Variants in ABCA13 observed in about 807,000 individuals in gnomAD.
ABCA13 encodes ATP-binding cassette sub-family A member 13.
Under a neutral mutation model 478.7 loss-of-function variants are expected in ABCA13, and 476 were observed. The ratio of observed to expected loss-of-function variants is 0.99; its 90% CI spans 0.92 to 1.07. The LOEUF is 1.07. Among genes scored for constraint, ABCA13 ranks in the 50% least tolerant of loss-of-function variants. The pLI, the probability that ABCA13 is intolerant of heterozygous loss-of-function variation, is 0.00. For synonymous variants in ABCA13, 2,252 were observed against 2,158.9 expected, an observed-to-expected ratio of 1.04 and a Z score of -1.20; for missense variants, 6,060 against 5,910.6, an observed-to-expected ratio of 1.03 and a Z score of -0.83.
In ABCA13 at chr7:48,645,478, C is replaced by G. The variant is rs373003750; in HGVS notation, c.15143C>G (p.Thr5048Ser). 2.2e-5 allele frequency: 35 copies of G among 1,589,966 alleles called. No individual in the cohort carries two copies. The African/African-American group carries it at 4.3e-4, about 19-fold the overall frequency. Reference sequence around the variant, plus strand: ...CTACAATCTACTCTTGATCCATCCACTGACAGTCACCACACACATCACTTG... The same window carrying G: ...CTACAATCTACTCTTGATCCATCCAGTGACAGTCACCACACACATCACTTG... ...QTLQSTLDPS[T>S]DSHHTHHLPI Residue 5048 changes from threonine to serine, a missense_variant, in exon 62 of 62, where the codon ACT (threonine) becomes AGT (serine). This residue lies in a region of ABCA13 where 1,627 missense variants were observed against 1,571.0 expected (regional missense o/e 1.04). Coordinates refer to ENST00000435803, the MANE Select transcript of ABCA13 (RefSeq NM_152701.5).
chr7:48,253,417 T>G (rs917843142), intron 15 of ABCA13, among the ~76,000 whole-genome samples: 6 of 152,228 alleles, frequency 3.9e-5, no homozygotes, highest in Non-Finnish European at 8.8e-5. Flanking sequence ...AGTGGCATAT[T>G]GTGCCATGAA....
intron 16 of ABCA13, among the ~76,000 whole-genome samples, 152 bp from the exon 17 acceptor site, chr7:48,271,635 C>T (rs973432942): frequency 1.3e-5 from 2 of 151,968 alleles, no homozygotes; most frequent in Non-Finnish European, 2.9e-5. Flanking sequence ...ACTTTCAAAT[C>T]CTCACATTAG....
intron 58 of ABCA13, among the ~76,000 whole-genome samples, chr7:48,607,564 C>T (rs1009090171): frequency 5.3e-5 from 8 of 152,134 alleles, no homozygotes; most frequent in African/African-American, 1.7e-4. Context: ...ATAATAGCTG[C>T]ATTTAAATTT....
intron 55 of ABCA13, among the ~76,000 whole-genome samples, chr7:48,571,722 C>T (rs1787668991): frequency 6.6e-6 from 1 of 152,070 alleles, no homozygotes; most frequent in African/African-American, 2.4e-5. Flanking sequence ...GGATCTCATT[C>T]CTGAATATAT....
intron 55 of ABCA13, among the ~76,000 whole-genome samples, chr7:48,531,731 ATTTTTTTTTTTTT>A (rs34996683): frequency 1.2e-4 from 12 of 102,264 alleles, no homozygotes; most frequent in African/African-American, 4.1e-4. Context: ...TATATTCCTA[ATTTTTTTTTTTTT>A]TTTTTTTTTG....
intron 45 of ABCA13, among the ~76,000 whole-genome samples, chr7:48,479,476 G>T (rs553726777): frequency 6.6e-6 from 1 of 152,106 alleles, no homozygotes; most frequent in East Asian, 1.9e-4. Context: ...GACCTCAAGC[G>T]ATCCACCCAC....
chr7:48,638,334 C>T lies in ABCA13; in HGVS notation c.14838-4954C>T, dbSNP rs781331775. ...GGTGGAGTCATTTAAGAAAGTGACA[C>T]ATCCAGCCACAGAGAGCAGTGTTTA... On this transcript the variant is annotated intron_variant, in intron 59 of 61. Transcript: ENST00000435803. Among the ~76,000 whole-genome samples, 6 of 152,198 alleles carry T rather than the reference C, an allele frequency of 3.9e-5. No individual in the cohort carries two copies. The East Asian group carries it at 1.2e-3, about 29-fold the overall frequency.
chr7:48,635,892 C>A (rs571487741), intron 59 of ABCA13, among the ~76,000 whole-genome samples: 33 of 152,228 alleles, frequency 2.2e-4, no homozygotes, highest in African/African-American at 7.9e-4. Context: ...ATTTTGGAGA[C>A]TTTACTGTTT....
At chr7:48,344,409 C>T (rs1807729615) in intron 29 of ABCA13, among the ~76,000 whole-genome samples, 1 of 152,200 alleles carries the variant, frequency 6.6e-6, no homozygotes, top group African/African-American at 2.4e-5. Context: ...AATGTCAAAT[C>T]CTCTGGTCTG....
intron 59 of ABCA13, among the ~76,000 whole-genome samples, chr7:48,616,824 C>G (rs1298498042): frequency 2.6e-5 from 4 of 152,048 alleles, no homozygotes; most frequent in African/African-American, 7.2e-5. Context: ...AGTTTGAGAC[C>G]AGCCTGAGCA....
intron 10 of ABCA13, among the ~76,000 whole-genome samples, chr7:48,243,433 T>C (rs936279606): frequency 6.6e-6 from 1 of 152,198 alleles, no homozygotes; most frequent in African/African-American, 2.4e-5. Context: ...CCAAAAGCCA[T>C]GTGTCCAGCT....
intron 31 of ABCA13, among the ~76,000 whole-genome samples, chr7:48,358,951 T>C (rs1030848966): frequency 1.3e-5 from 2 of 151,972 alleles, no homozygotes; most frequent in Non-Finnish European, 2.9e-5. Context: ...GCTTCCTGGA[T>C]CCCTTTAGAG....
At chr7:48,309,033 G>GCACACACACACACACACACA (rs10523187) in intron 23 of ABCA13, among the ~76,000 whole-genome samples, 6 of 138,050 alleles carry the variant, frequency 4.3e-5, no homozygotes, top group Non-Finnish European at 7.7e-5. Flanking sequence ...ACACATGACT[G>GCACACACACACACACACACA]CACACACACA....
At chr7:48,180,462 C>T (rs1336815804) in intron 1 of ABCA13, among the ~76,000 whole-genome samples, 1 of 152,100 alleles carries the variant, frequency 6.6e-6, no homozygotes, top group African/African-American at 2.4e-5. Context: ...CTCTTGTCAC[C>T]CAGGCTGGAG....
At position 48,272,290 on chromosome 7, in the gene ABCA13, A is replaced by G. The variant is rs1795718642; in HGVS notation, c.2624A>G (p.Gln875Arg). 1 of 1,613,628 alleles carries G rather than the reference A, an allele frequency of 6.2e-7. No homozygotes were observed. The highest frequency in any genetic ancestry group is 1.7e-5 in the Admixed American group (1 of 59,994). Residue 875 changes from glutamine to arginine, a missense_variant, in exon 17 of 62, where the codon CAG (glutamine) becomes CGG (arginine). By Grantham distance (43) the Gln-to-Arg change is conservative. Coordinates refer to ENST00000435803, the MANE Select transcript of ABCA13 (RefSeq NM_152701.5). The part of the protein sequence containing the change: ...EILSTSFNFS[Q>R]LFHSDWPKSP... ...CTGAGTACAAGTTTTAACTTTTCCC[A>G]GTTGTTCCATTCAGATTGGCCTAAA...
intron 55 of ABCA13, among the ~76,000 whole-genome samples, chr7:48,561,069 A>G (rs1307464828): frequency 6.6e-6 from 1 of 152,070 alleles, no homozygotes; most frequent in Non-Finnish European, 1.5e-5. Flanking sequence ...ATTCCATTGT[A>G]TGTATATGTA....
chr7:48,264,199 C>G (rs74380327), intron 15 of ABCA13, among the ~76,000 whole-genome samples: 3,276 of 152,010 alleles, frequency 0.022, 38 homozygotes, highest in Middle Eastern at 0.031. Context: ...TCCATTCACA[C>G]AATTCACAAT....
chr7:48,572,542 G>C (rs1787771483), intron 55 of ABCA13, among the ~76,000 whole-genome samples: 1 of 151,868 alleles, frequency 6.6e-6, no homozygotes. Flanking sequence ...TATATTATGT[G>C]ACATTAAATA....
Position 48,279,323 on chromosome 7 carries a change from G to A in ABCA13, c.8129G>A (p.Trp2710Ter). Residue 2710 changes from tryptophan to a stop codon, truncating the protein, a stop_gained, in exon 18 of 62, where the codon TGG becomes TAG. Transcript: ENST00000435803. LOFTEE classifies it high-confidence loss of function. ...CATAGTGGCCCTCAAGATATAAAAT[G>A]GGAAATAATTCATGAAGTGATCCCT... ...STHSGPQDIKWEIIHEVIPFL... is the reference protein window; with the variant it reads ...STHSGPQDIK 6.3e-7 allele frequency: 1 copy of A among 1,586,306 alleles called. No individual in the cohort carries two copies. The highest frequency in any genetic ancestry group is 1.3e-5 in the African/African-American group (1 of 74,610).
Sources: allele counts gnomAD v4.1 joint callset (sites outside exome capture counted in the v4.1 genomes callset), GRCh38; gene constraint gnomAD v4.1.1; regional missense constraint gnomAD v4.1.1; transcripts MANE v1.5; gene names NCBI Gene and HGNC (gene_info 2026-07-23, HGNC 2026-07-21).